Variants in DLC1 observed in about 807,000 individuals in gnomAD.
The protein encoded by DLC1 is rho GTPase-activating protein 7.
A neutral mutation model predicts 140.3 loss-of-function variants in DLC1; 54 were observed. The observed-to-expected ratio is 0.38, with a 90% CI of 0.31 to 0.48. The LOEUF (loss-of-function observed/expected upper bound fraction) is 0.48, where lower values mean the gene tolerates loss of function less well. Ranked by LOEUF, DLC1 falls within the 20% of genes least tolerant of loss-of-function variation. DLC1 has a pLI of 0.96. For missense variants in DLC1, 2,536 were observed against 1,907.0 expected (o/e 1.33, Z -6.14); for synonymous variants, 986 against 728.1 (o/e 1.35, Z -5.70).
intron 4 of DLC1, among the ~76,000 whole-genome samples, chr8:13,377,678 T>G (rs1285385852): frequency 1.3e-5 from 2 of 152,160 alleles, no homozygotes; most frequent in Non-Finnish European, 2.9e-5. Flanking sequence ...GTCTATATTT[T>G]CATAACATTA....
chr8:13,127,457 T>G (rs918825892), intron 5 of DLC1, among the ~76,000 whole-genome samples: 1 of 152,240 alleles, frequency 6.6e-6, no homozygotes, highest in Non-Finnish European at 1.5e-5. Flanking sequence ...GTCCAAGCAT[T>G]ACATAAAATG....
chr8:13,488,063 CAGCATTGA>C, intron 2 of DLC1, among the ~76,000 whole-genome samples: 2 of 152,236 alleles, frequency 1.3e-5, no homozygotes, highest in South Asian at 4.1e-4. Flanking sequence ...GAAATATGAT[CAGCATTGA>C]AGTTTTAATG....
At chr8:13,402,351 C>A (rs150021926) in intron 2 of DLC1, among the ~76,000 whole-genome samples, 1 of 152,282 alleles carries the variant, frequency 6.6e-6, no homozygotes, top group East Asian at 1.9e-4. Flanking sequence ...GTTACTTGGG[C>A]ATGACTCAAC....
At chr8:13,585,649 T>C (rs983987697) in intron 1 of DLC1, among the ~76,000 whole-genome samples, 1 of 152,200 alleles carries the variant, frequency 6.6e-6, no homozygotes, top group South Asian at 2.1e-4. Flanking sequence ...TTGTGAGGGC[T>C]GTGAGGGAGA....
In DLC1 at chr8:13,454,016, G is replaced by T. The variant is rs146603178; in HGVS notation, c.1023+45033C>A. Among the ~76,000 whole-genome samples the T allele has an allele frequency of 1.4e-3, 216 of 152,200 alleles. 2 individuals carry two copies. The highest frequency in any genetic ancestry group is 5.0e-3 in the African/African-American group (209 of 41,552). On this transcript the variant is annotated intron_variant, in intron 2 of 17. Coordinates refer to ENST00000276297, the MANE Select transcript of DLC1 (RefSeq NM_182643.3). ...GCCAAGGCTGTAAATCCTTCTCATG[G>T]TTAAATGGCAAAATTCGCATGTTTT...
intron 5 of DLC1, among the ~76,000 whole-genome samples, chr8:13,119,214 C>G (rs1820827148): frequency 7.5e-6 from 1 of 133,050 alleles, no homozygotes; most frequent in Non-Finnish European, 1.6e-5. Context: ...AGCAACAGGG[C>G]AAGACCCTGT....
chr8:13,579,410 T>TTTAA (rs1179045809), intron 1 of DLC1, among the ~76,000 whole-genome samples: 4,745 of 68,224 alleles, frequency 0.07, 2,066 homozygotes, highest in Non-Finnish European at 0.095. Context: ...ATTTAATATA[T>TTTAA]TATATTTTAT....
chr8:13,490,262 A>G (rs974033356), intron 2 of DLC1, among the ~76,000 whole-genome samples: 3 of 152,238 alleles, frequency 2.0e-5, no homozygotes, highest in African/African-American at 7.2e-5. Context: ...GAAAAAATTG[A>G]AGAGGTTCGT....
At chr8:13,284,572 C>T (rs1016887074) in intron 5 of DLC1, among the ~76,000 whole-genome samples, 1 of 151,770 alleles carries the variant, frequency 6.6e-6, no homozygotes, top group Non-Finnish European at 1.5e-5. Flanking sequence ...CAATAGAAAG[C>T]CCTGAAATTA....
intron 5 of DLC1, among the ~76,000 whole-genome samples, chr8:13,204,856 T>C (rs1027055369): frequency 6.6e-6 from 1 of 152,226 alleles, no homozygotes. Flanking sequence ...TGTGGTCAGA[T>C]TCCTGCATTG....
At chr8:13,206,106 G>C (rs1827651547) in intron 5 of DLC1, among the ~76,000 whole-genome samples, 1 of 152,128 alleles carries the variant, frequency 6.6e-6, no homozygotes. Flanking sequence ...AATATATTCT[G>C]TGATTTCTCC....
At chr8:13,567,994 A>T in intron 1 of DLC1, 1 of 1,477,352 alleles carries the variant, frequency 6.8e-7, no homozygotes, top group Non-Finnish European at 9.0e-7. Context: ...AATTACCATA[A>T]TTTCTACAGG....
chr8:13,275,577 C>T (rs2013498), intron 5 of DLC1, among the ~76,000 whole-genome samples: 12,171 of 150,576 alleles, frequency 0.081, 885 homozygotes, highest in African/African-American at 0.19. Context: ...TATCCCAACG[C>T]AAAAATCGGA....
In DLC1 at chr8:13,105,486, GA is replaced by G. The variant is rs200047790; in HGVS notation, c.1503-2634del. On this transcript the variant is annotated intron_variant, in intron 7 of 17. Transcript: ENST00000276297. ...TATTATGATTAACCTAGATTTTACA[GA>G]TGAGGAAATGGGGCTCAGGGAGGTC... is the stretch of plus-strand genomic sequence containing the variant. 9.5e-3 allele frequency among the ~76,000 whole-genome samples: 1,449 copies of G among 152,196 alleles called. 26 individuals are homozygous for G. Among genetic ancestry groups the G allele is most frequent in the African/African-American group, 0.033 (1,382 of 41,520 alleles).
At chr8:13,165,821 T>C (rs1335876191) in intron 5 of DLC1, among the ~76,000 whole-genome samples, 1 of 152,160 alleles carries the variant, frequency 6.6e-6, no homozygotes, top group Non-Finnish European at 1.5e-5. Context: ...GTGAATGGCT[T>C]CCTTGGGTCA....
At chr8:13,549,984 G>C (rs1002121825) in intron 1 of DLC1, among the ~76,000 whole-genome samples, 1 of 152,080 alleles carries the variant, frequency 6.6e-6, no homozygotes, top group Non-Finnish European at 1.5e-5. Context: ...TGAAAGGCAG[G>C]TACTGAAATT....
upstream of DLC1, among the ~76,000 whole-genome samples, chr8:13,518,219 C>T (rs892860695): frequency 1.3e-5 from 2 of 152,094 alleles, no homozygotes; most frequent in Non-Finnish European, 2.9e-5. Flanking sequence ...AGCAAATCTC[C>T]TGCCTCCATC....
chr8:13,146,678 G>C (rs1232182863), intron 5 of DLC1, among the ~76,000 whole-genome samples: 1 of 152,070 alleles, frequency 6.6e-6, no homozygotes, highest in Non-Finnish European at 1.5e-5. Flanking sequence ...TTTTTAAAAA[G>C]TTGACATCAT....
intron 1 of DLC1, among the ~76,000 whole-genome samples, chr8:13,600,918 G>C (rs1028062695): frequency 2.6e-5 from 4 of 151,648 alleles, no homozygotes; most frequent in African/African-American, 9.7e-5. Flanking sequence ...TTTATATGTA[G>C]TATTCATTTT....
Sources: allele counts gnomAD v4.1 joint callset (sites outside exome capture counted in the v4.1 genomes callset), GRCh38; gene constraint gnomAD v4.1.1; transcripts MANE v1.5; gene names NCBI Gene and HGNC (gene_info 2026-07-23, HGNC 2026-07-21).